Variants in MEOX2 observed in about 807,000 individuals in gnomAD.
The protein encoded by MEOX2 is homeobox protein MOX-2.
In MEOX2, 11 loss-of-function variants were observed where a neutral mutation model predicts 27.0. That is an observed-to-expected ratio of 0.41 (90% confidence interval 0.26 to 0.68). The LOEUF is 0.68. Among genes scored for constraint, MEOX2 ranks in the 30% least tolerant of loss-of-function variants. The pLI, the probability that MEOX2 is intolerant of heterozygous loss-of-function variation, is 0.33. For synonymous variants in MEOX2, 189 were observed against 155.4 expected (o/e 1.22, Z -1.61); for missense variants, 436 against 385.4 (o/e 1.13, Z -1.10).
intron 2 of MEOX2, among the ~76,000 whole-genome samples, chr7:15,621,202 A>C (rs964736506): frequency 6.6e-6 from 1 of 152,212 alleles, no homozygotes; most frequent in Non-Finnish European, 1.5e-5. Context: ...TTATATGAGA[A>C]TATGTTGTAA....
At chr7:15,635,639 T>A (rs1781469164) in intron 1 of MEOX2, among the ~76,000 whole-genome samples, 1 of 152,006 alleles carries the variant, frequency 6.6e-6, no homozygotes, top group Non-Finnish European at 1.5e-5. Context: ...AAATTATGCA[T>A]TTGATAAAAT....
At chr7:15,647,764 A>T (rs1054827311) in intron 1 of MEOX2, among the ~76,000 whole-genome samples, 22 of 152,276 alleles carry the variant, frequency 1.4e-4, no homozygotes, top group African/African-American at 5.0e-4. Flanking sequence ...TTCTCATTTT[A>T]AAAGATAATC....
intron 2 of MEOX2, among the ~76,000 whole-genome samples, chr7:15,613,651 G>C (rs1781070995): frequency 6.6e-6 from 1 of 152,108 alleles, no homozygotes; most frequent in South Asian, 2.1e-4. Context: ...TTCATAACAA[G>C]TAATATTAAA....
intron 2 of MEOX2, among the ~76,000 whole-genome samples, chr7:15,623,065 A>G (rs1263248087): frequency 6.6e-6 from 1 of 152,214 alleles, no homozygotes; most frequent in African/African-American, 2.4e-5. Flanking sequence ...TAAGCCACCC[A>G]GTCTATGGTA....
intron 2 of MEOX2, among the ~76,000 whole-genome samples, chr7:15,621,461 T>C (rs1781222021): frequency 6.6e-6 from 1 of 152,312 alleles, no homozygotes; most frequent in Non-Finnish European, 1.5e-5. Context: ...TGACATTGCA[T>C]TATGGAAGAT....
intron 1 of MEOX2, among the ~76,000 whole-genome samples, chr7:15,652,280 T>C (rs1325821883): frequency 6.6e-6 from 1 of 152,076 alleles, no homozygotes; most frequent in Non-Finnish European, 1.5e-5. Flanking sequence ...TGTCATAAAG[T>C]AGAAAATGCA....
intron 1 of MEOX2, among the ~76,000 whole-genome samples, chr7:15,678,198 C>G (rs1016779021): frequency 1.3e-5 from 2 of 152,132 alleles, no homozygotes; most frequent in African/African-American, 2.4e-5. Flanking sequence ...GAAATTCCCA[C>G]GTAAGCATAG....
intron 1 of MEOX2, chr7:15,680,440 C>A (rs1258455015): frequency 6.6e-6 from 1 of 151,916 alleles, no homozygotes; most frequent in Non-Finnish European, 1.5e-5. Context: ...ATGTTCTTGA[C>A]CATTCTAAGT....
intron 1 of MEOX2, among the ~76,000 whole-genome samples, chr7:15,661,986 C>A (rs1208767426): frequency 6.6e-6 from 1 of 152,074 alleles, no homozygotes; most frequent in Non-Finnish European, 1.5e-5. Flanking sequence ...TTAGACAGAA[C>A]TTTGCAAAGT....
intron 1 of MEOX2, among the ~76,000 whole-genome samples, chr7:15,638,067 G>A (rs1400715111): frequency 7.9e-5 from 12 of 151,972 alleles, no homozygotes; most frequent in East Asian, 5.8e-4. Flanking sequence ...AACATTTAGT[G>A]AAATACACCT....
chr7:15,646,649 A>T (rs1244242048), intron 1 of MEOX2, among the ~76,000 whole-genome samples: 2 of 152,060 alleles, frequency 1.3e-5, no homozygotes, highest in Non-Finnish European at 2.9e-5. Flanking sequence ...CAAGGAACAT[A>T]AGAAGGTTTT....
At chr7:15,629,900 G>A (rs904721342) in intron 1 of MEOX2, among the ~76,000 whole-genome samples, 4 of 151,886 alleles carry the variant, frequency 2.6e-5, no homozygotes, top group African/African-American at 9.7e-5. Flanking sequence ...GACAATTTTT[G>A]CATCAGTTTC....
chr7:15,659,483 C>T (rs1045314919), intron 1 of MEOX2, among the ~76,000 whole-genome samples: 1 of 151,988 alleles, frequency 6.6e-6, no homozygotes, highest in Admixed American at 6.6e-5. Flanking sequence ...AAAGAGGGCC[C>T]GGCGCGGTGG....
intron 1 of MEOX2, among the ~76,000 whole-genome samples, chr7:15,639,219 T>G (rs1178078376): frequency 1.3e-5 from 2 of 152,180 alleles, no homozygotes; most frequent in African/African-American, 4.8e-5. Context: ...TGTATTTCAC[T>G]GATGATTTGT....
At chr7:15,666,569 C>T (rs553305431) in intron 1 of MEOX2, among the ~76,000 whole-genome samples, 65 of 150,860 alleles carry the variant, frequency 4.3e-4, no homozygotes, top group Non-Finnish European at 7.7e-4. Flanking sequence ...CTGGGCAACA[C>T]GGTGAAACCC....
At chr7:15,635,520 T>C (rs1279354391) in intron 1 of MEOX2, among the ~76,000 whole-genome samples, 1 of 151,984 alleles carries the variant, frequency 6.6e-6, no homozygotes, top group African/African-American at 2.4e-5. Flanking sequence ...GAGGGTTAAA[T>C]TAAGCAAATC....
Position 15,686,624 on chromosome 7 carries a change from C to T in MEOX2, c.-222G>A. ...CCTGGAAGAGCTTCCCTGAGCTACT[C>T]AGATGTCAAGAGTGGGAGAGGTTGA... On this transcript the variant is annotated 5_prime_UTR_variant, in exon 1 of 3. Coordinates refer to ENST00000262041, the MANE Select transcript of MEOX2 (RefSeq NM_005924.5). 1 of 567,276 alleles carries T rather than the reference C, an allele frequency of 1.8e-6. No homozygotes were observed. The highest frequency in any genetic ancestry group is 3.1e-6 in the Non-Finnish European group (1 of 321,210). 35.1% of individuals were successfully genotyped at this position (567,276 alleles called of 1,614,324 possible).
intron 1 of MEOX2, among the ~76,000 whole-genome samples, chr7:15,639,418 G>C (rs1415472700): frequency 6.6e-6 from 1 of 151,776 alleles, no homozygotes; most frequent in African/African-American, 2.4e-5. Flanking sequence ...TTTTCTTCCA[G>C]TTTCTAGGTT....
At chr7:15,680,564 C>G (rs751404295) in intron 1 of MEOX2, 2 of 151,898 alleles carry the variant, frequency 1.3e-5, no homozygotes, top group Non-Finnish European at 2.9e-5. Context: ...ACTAACTTTA[C>G]TTTACACCGT....
Sources: allele counts gnomAD v4.1 joint callset (sites outside exome capture counted in the v4.1 genomes callset), GRCh38; gene constraint gnomAD v4.1.1; transcripts MANE v1.5; gene names NCBI Gene and HGNC (gene_info 2026-07-23, HGNC 2026-07-21).